Variants in SUN2 observed in about 807,000 individuals in gnomAD.
SUN2 encodes SUN domain-containing protein 2.
A neutral mutation model predicts 100.0 loss-of-function variants in SUN2; 60 were observed. That is an observed-to-expected ratio of 0.60 (90% CI 0.49 to 0.74). The LOEUF is 0.74. Among genes scored for constraint, SUN2 ranks in the 30% least tolerant of loss-of-function variants. SUN2 has a pLI of 0.00. For missense variants in SUN2, 834 were observed against 954.6 expected (o/e 0.87, Z 1.66); for synonymous variants, 367 against 403.3 (o/e 0.91, Z 1.08).
chr22:38,742,543 C>A lies in SUN2; in HGVS notation c.826G>T (p.Val276Phe). 6.2e-7 allele frequency: 1 copy of A among 1,611,302 alleles called. No homozygotes were observed. The highest frequency in any genetic ancestry group is 8.5e-7 in the Non-Finnish European group (1 of 1,179,012). ...TCCAGAGAGTGTACCCGGGACATAA[C>A]ACGCTGCTCAGCCTGGAAGGGCAGA... Reference protein sequence around the residue: ...SSPHFQAEQRVMSRVHSLERR... With the variant: ...SSPHFQAEQRFMSRVHSLERR... Residue 276 changes from valine to phenylalanine, a missense_variant, in exon 9 of 18, where the codon GTT becomes TTT. Val to Phe is a conservative substitution (Grantham distance 50, BLOSUM62 -1). Transcript: ENST00000689035.
intron 2 of SUN2, 150 bp downstream of exon 2, chr22:38,752,357 C>A: frequency 1.1e-6 from 1 of 905,986 alleles, no homozygotes; most frequent in East Asian, 2.5e-5. Flanking sequence ...CAAGGAAGGA[C>A]CCCCTCGACC....
At position 38,738,841 on chromosome 22, in the gene SUN2, AGCCCCCGCTGCTGTGCTTGCCAGGT is replaced by A; in HGVS notation, c.1779+7_1779+31del. The A allele has an allele frequency of 1.3e-6, 2 of 1,595,374 alleles. No homozygotes were observed. Among genetic ancestry groups the A allele is most frequent in the Non-Finnish European group, 1.7e-6 (2 of 1,168,082 alleles). ...TGGGACCAGCCCTCAGTGTGCTCAGAGCCCCCGCTGCTGTGCTTGCCAGGTGCCCACCTGGAGGATGACTCGGGGT... is the reference window on the plus strand; with the variant it reads ...TGGGACCAGCCCTCAGTGTGCTCAGAGCCCACCTGGAGGATGACTCGGGGT... On this transcript the variant is annotated splice_region_variant and intron_variant, in intron 15 of 17. Transcript: ENST00000689035. The surrounding 1 kb of genome is among the most constrained non-coding windows in gnomAD (Gnocchi z 6.6).
Position 38,755,116 on chromosome 22 carries a change from C to T in SUN2, c.-38+647G>A. 1 of 983,966 alleles carries T rather than the reference C, an allele frequency of 1.0e-6. No individual in the cohort carries two copies. The highest frequency in any genetic ancestry group is 3.5e-5 in the Admixed American group (1 of 28,848). 61.0% of individuals were successfully genotyped at this position (983,966 alleles called of 1,614,324 possible). A position where few individuals can be genotyped will look rare whatever the true frequency, so the allele number is the denominator to read the frequency against. On this transcript the variant is annotated intron_variant, in intron 1 of 17. Coordinates refer to ENST00000689035, the MANE Select transcript of SUN2 (RefSeq NM_015374.3). This position sits in a 1 kb window ranked among gnomAD's most constrained non-coding sequence, Gnocchi z 5.7. ...CTTTCTCAATTCCGCCCTTCCCCAT[C>T]ACAAACATCTCCATCCATCTTCAGA...
At chr22:38,748,174 C>T (rs1441143687) in intron 7 of SUN2, among the ~76,000 whole-genome samples, 1 of 150,110 alleles carries the variant, frequency 6.7e-6, no homozygotes, top group East Asian at 2.0e-4. Context: ...ATTAGCTGGG[C>T]ATGTTGGCGC....
rs554364169 is a variant in SUN2 at position 38,755,286 on chromosome 22, A to C, written c.-38+477T>G. 34 of 1,113,486 alleles carry C rather than the reference A, an allele frequency of 3.1e-5. No homozygotes were observed. In the South Asian group the frequency reaches 6.6e-4, roughly 22 times the overall value. 69.0% of individuals were successfully genotyped at this position (1,113,486 alleles called of 1,614,324 possible). A position where few individuals can be genotyped will look rare whatever the true frequency, so the allele number is the denominator to read the frequency against. On this transcript the variant is annotated intron_variant, in intron 1 of 17. Coordinates refer to ENST00000689035, the MANE Select transcript of SUN2 (RefSeq NM_015374.3). The surrounding 1 kb of genome is among the most constrained non-coding windows in gnomAD (Gnocchi z 5.7). ...ACAGGCCAAACCTGCAGAAATTGTC[A>C]CCAAAGGCGCGCCTCCTGGCTCTCT...
In SUN2 at chr22:38,755,623, G is replaced by C; in HGVS notation, c.-38+140C>G. On this transcript the variant is annotated intron_variant, in intron 1 of 17. Transcript: ENST00000689035. The surrounding 1 kb of genome is among the most constrained non-coding windows in gnomAD (Gnocchi z 5.7). Reference sequence around the variant, plus strand: ...AGGGCGCGGGCCGCGGACCCGGGTGGAGGCTGGATCCGGCCCAGCACGTCC... The same window carrying C: ...AGGGCGCGGGCCGCGGACCCGGGTGCAGGCTGGATCCGGCCCAGCACGTCC... The C allele has an allele frequency of 2.1e-6, 2 of 946,248 alleles. No homozygotes were observed. Among genetic ancestry groups the C allele is most frequent in the Non-Finnish European group, 2.5e-6 (2 of 794,054 alleles). The allele number at this position is 946,248 out of a possible 1,614,324, so 58.6% of individuals were successfully genotyped here.
chr22:38,745,103 G>A (rs2092892240), intron 8 of SUN2: 1 of 471,188 alleles, frequency 2.1e-6, no homozygotes, highest in Admixed American at 2.3e-5. Context: ...CTGGATCAAG[G>A]CCTCAAAGGT....
At chr22:38,751,972 C>T (rs2092948816) in intron 2 of SUN2, among the ~76,000 whole-genome samples, 1 of 152,134 alleles carries the variant, frequency 6.6e-6, no homozygotes, top group South Asian at 2.1e-4. Flanking sequence ...TCTTTCTTTC[C>T]TTTTTTTCTT....
At position 38,749,663 on chromosome 22, in the gene SUN2, G is replaced by A. The variant is rs1603228740; in HGVS notation, c.614+103C>T. The A allele has an allele frequency of 5.4e-6, 6 of 1,105,956 alleles. No homozygotes were observed. In the East Asian group the frequency reaches 1.5e-4, roughly 29 times the overall value. 68.5% of individuals were successfully genotyped at this position (1,105,956 alleles called of 1,614,324 possible). On this transcript the variant is annotated intron_variant, in intron 6 of 17. Transcript: ENST00000689035. ...CGCTAATAAAGGCTCCAGGGAAACT[G>A]GGGAAAACCCTCAGAGAATCGACCA...
chr22:38,739,250 T>C lies in SUN2; in HGVS notation c.1663+92A>G, dbSNP rs2092833558. ...GATTTCTGCTGATCCTGAGCTTTGC[T>C]TGCTCTGCCCCACCACCAACCTGGT... On this transcript the variant is annotated intron_variant, in intron 14 of 17. Coordinates refer to ENST00000689035, the MANE Select transcript of SUN2 (RefSeq NM_015374.3). The surrounding 1 kb of genome is among the most constrained non-coding windows in gnomAD (Gnocchi z 6.7). The C allele has an allele frequency of 7.2e-7, 1 of 1,394,654 alleles. No homozygotes were observed. The highest frequency in any genetic ancestry group is 1.7e-5 in the Admixed American group (1 of 59,464). The allele number at this position is 1,394,654 out of a possible 1,614,324, so 86.4% of individuals were successfully genotyped here. A position where few individuals can be genotyped will look rare whatever the true frequency, so the allele number is the denominator to read the frequency against.
At chr22:38,751,469 A>T in intron 2 of SUN2, 96 bp from the exon 3 acceptor site, 1 of 1,414,226 alleles carries the variant, frequency 7.1e-7, no homozygotes, top group Admixed American at 2.2e-5. Flanking sequence ...TGCCTAGTGC[A>T]GGGTGTGGGT....
Position 38,740,507 on chromosome 22 carries a change from A to C in SUN2, c.1191-75T>G. ...AAGGCCACACCAAAGATGAAAGAGG[A>C]CCCCCTAGTGGGCTCCCGTCAGGAG... On this transcript the variant is annotated intron_variant, in intron 11 of 17. Coordinates refer to ENST00000689035, the MANE Select transcript of SUN2 (RefSeq NM_015374.3). The surrounding 1 kb of genome is among the most constrained non-coding windows in gnomAD (Gnocchi z 4.8). The C allele has an allele frequency of 1.4e-6, 2 of 1,386,178 alleles. No homozygotes were observed. The highest frequency in any genetic ancestry group is 2.0e-4 in the Middle Eastern group (1 of 5,094). The allele number at this position is 1,386,178 out of a possible 1,614,324, so 85.9% of individuals were successfully genotyped here.
rs1454092703 is a variant in SUN2, at chr22:38,742,356, C to T, written c.1013G>A (p.Arg338His). Residue 338 changes from arginine to histidine, a missense_variant, in exon 9 of 18, where the codon CGC becomes CAC. Arg to His is a conservative substitution (Grantham distance 29). Around this residue, in one of 3 missense-constraint regions of SUN2, gnomAD observed 559 missense variants for 597.7 expected, o/e 0.94. Coordinates refer to ENST00000689035, the MANE Select transcript of SUN2 (RefSeq NM_015374.3). ...TLALLEGLVS[R>H]REAALKEDFR... ...ATCCTCCTTCAGGGCAGCTTCACGGCGGCTCACTAGCCCCTCCAGCAGCGC... is the reference window on the plus strand; with the variant it reads ...ATCCTCCTTCAGGGCAGCTTCACGGTGGCTCACTAGCCCCTCCAGCAGCGC... 8.7e-6 allele frequency: 14 copies of T among 1,611,926 alleles called. 1 individual carries two copies. Among genetic ancestry groups the T allele is most frequent in the Middle Eastern group, 1.7e-4 (1 of 6,042 alleles).
rs1389379124 is a variant in SUN2, at chr22:38,745,711, T to C, written c.786A>G (p.Glu262=). 6.2e-7 allele frequency: 1 copy of C among 1,613,910 alleles called. No homozygotes were observed. Among genetic ancestry groups the C allele is most frequent in the African/African-American group, 1.3e-5 (1 of 75,044 alleles). ...GGAAATGTGGCGATGAGTCTCTGGC[T>C]TCCCAGCCCTCATCCGGCCTCCTGC... ...KDSRRPDEGW[E]ARDSSPHFQA... Residue 262 remains glutamate, a synonymous_variant, in exon 8 of 18, where the codon GAA becomes GAG. Coordinates refer to ENST00000689035, the MANE Select transcript of SUN2 (RefSeq NM_015374.3).
In SUN2 at chr22:38,755,948, G is replaced by A; in HGVS notation, c.-223C>T. On this transcript the variant is annotated 5_prime_UTR_variant, in exon 1 of 18. Coordinates refer to ENST00000689035, the MANE Select transcript of SUN2 (RefSeq NM_015374.3). This position sits in a 1 kb window ranked among gnomAD's most constrained non-coding sequence, Gnocchi z 5.7. ...GGGACAAGGCGGGCGGGCGGACAATGCGGCCGGCGGAGGCCCGCGCTGCGC... is the reference window on the plus strand; with the variant it reads ...GGGACAAGGCGGGCGGGCGGACAATACGGCCGGCGGAGGCCCGCGCTGCGC... 1.0e-6 allele frequency: 1 copy of A among 983,428 alleles called. No homozygotes were observed. The highest frequency in any genetic ancestry group is 1.2e-6 in the Non-Finnish European group (1 of 829,158). The allele number at this position is 983,428 out of a possible 1,614,324, so 60.9% of individuals were successfully genotyped here. A position where few individuals can be genotyped will look rare whatever the true frequency, so the allele number is the denominator to read the frequency against.
Position 38,738,014 on chromosome 22 carries a change from G to T in SUN2, c.2040+159C>A. 1 of 741,830 alleles carries T rather than the reference G, an allele frequency of 1.3e-6. No homozygotes were observed. The highest frequency in any genetic ancestry group is 2.5e-6 in the Non-Finnish European group (1 of 406,184). 46.0% of individuals were successfully genotyped at this position (741,830 alleles called of 1,614,324 possible). A position where few individuals can be genotyped will look rare whatever the true frequency, so the allele number is the denominator to read the frequency against. On this transcript the variant is annotated intron_variant, in intron 17 of 17. Transcript: ENST00000689035. This position sits in a 1 kb window ranked among gnomAD's most constrained non-coding sequence, Gnocchi z 6.6. Reference sequence around the variant, plus strand: ...CCCTGTGCTGACGTCTGCAGGATGCGTGTTACACCCCATTTGGATATCACA... The same window carrying T: ...CCCTGTGCTGACGTCTGCAGGATGCTTGTTACACCCCATTTGGATATCACA...
intron 9 of SUN2, among the ~76,000 whole-genome samples, chr22:38,742,013 G>A (rs1354768538): frequency 1.3e-5 from 2 of 152,054 alleles, no homozygotes; most frequent in Non-Finnish European, 2.9e-5. Flanking sequence ...GGTGGTGCAC[G>A]CCTGTAATCC....
chr22:38,747,846 C>T lies in SUN2; in HGVS notation c.685+867G>A, dbSNP rs139405389. On this transcript the variant is annotated intron_variant, in intron 7 of 17. Coordinates refer to ENST00000689035, the MANE Select transcript of SUN2 (RefSeq NM_015374.3). ...TAATCCCAGCTACTTGGGAGGCTGA[C>T]GTGGGAGGATCACCTGAGCTCAGAA... 5.5e-3 allele frequency among the ~76,000 whole-genome samples: 829 copies of T among 149,520 alleles called. 3 individuals carry two copies. Among genetic ancestry groups the T allele is most frequent in the Middle Eastern group, 0.023 (6 of 262 alleles).
intron 8 of SUN2, chr22:38,745,087 C>G (rs1233841258): frequency 2.1e-6 from 1 of 471,030 alleles, no homozygotes; most frequent in East Asian, 6.9e-5. Flanking sequence ...TGACGGTGTG[C>G]TGGTTCTGGA....
Sources: gnomAD v4.1 joint callset for allele counts (sites outside exome capture counted in the v4.1 genomes callset) on GRCh38, gnomAD v4.1.1 for gene constraint, gnomAD v4.1.1 regional missense constraint, Gnocchi (gnomAD v3.1) non-coding constraint, MANE v1.5 for transcripts, NCBI Gene and HGNC (gene_info 2026-07-23, HGNC 2026-07-21) for gene names.